Variants in PGM5 observed in about 807,000 individuals in gnomAD.
PGM5 encodes phosphoglucomutase-like protein 5.
In PGM5, 23 loss-of-function variants were observed where a neutral mutation model predicts 59.2. The observed-to-expected ratio is 0.39, with a 90% CI of 0.28 to 0.55. The LOEUF is 0.55. Among genes scored for constraint, PGM5 ranks in the 20% least tolerant of loss-of-function variants. PGM5 has a pLI of 0.66. For missense variants in PGM5, 574 were observed against 748.3 expected, an observed-to-expected ratio of 0.77 and a Z score of 2.72; for synonymous variants, 214 against 286.0, an observed-to-expected ratio of 0.75 and a Z score of 2.54.
intron 6 of PGM5, among the ~76,000 whole-genome samples, chr9:68,431,670 T>C (rs1823352061): frequency 6.6e-6 from 1 of 152,142 alleles, no homozygotes. Flanking sequence ...TTATAACAGC[T>C]AGAAGGGCAA....
intron 9 of PGM5, among the ~76,000 whole-genome samples, chr9:68,489,713 C>T (rs1339126512): frequency 6.6e-6 from 1 of 152,058 alleles, no homozygotes; most frequent in African/African-American, 2.4e-5. Context: ...GTGATCCGCC[C>T]ACCTCGGCCT....
chr9:68,357,971 T>A (rs1554675945), intron 1 of PGM5: 1 of 152,684 alleles, frequency 6.5e-6, no homozygotes, highest in Non-Finnish European at 1.4e-5. Flanking sequence ...ACACGATCCC[T>A]GACATATTTG....
At chr9:68,445,538 C>A (rs550356537) in intron 6 of PGM5, among the ~76,000 whole-genome samples, 2 of 152,156 alleles carry the variant, frequency 1.3e-5, no homozygotes, top group African/African-American at 4.8e-5. Context: ...GGGGCTCCAC[C>A]GCCTGCATAT....
intron 6 of PGM5, among the ~76,000 whole-genome samples, chr9:68,444,018 A>G (rs1554683848): frequency 6.7e-6 from 1 of 150,078 alleles, no homozygotes; most frequent in Non-Finnish European, 1.5e-5. Context: ...GATCTTGAGG[A>G]GATTGCATGT....
rs797028640 is a variant in PGM5 at position 68,489,469 on chromosome 9, C to CTT, written c.1479+5435_1479+5436dup. 7.3e-3 allele frequency among the ~76,000 whole-genome samples: 990 copies of CTT among 135,526 alleles called. 16 individuals carry two copies. Among genetic ancestry groups the CTT allele is most frequent in the African/African-American group, 0.024 (863 of 36,650 alleles). The allele number at this position is 135,526 out of a possible 152,430, so 88.9% of individuals were successfully genotyped here. ...TTGTTTTCTTTTTTCTTTTTCTTTT[C>CTT]TTTTTTTTTTTTTTTAGACAGAGTC... is the stretch of plus-strand genomic sequence containing the variant. On this transcript the variant is annotated intron_variant, in intron 9 of 10. Transcript: ENST00000396396.
chr9:68,371,935 A>C (rs1821744907), intron 1 of PGM5, among the ~76,000 whole-genome samples: 1 of 152,208 alleles, frequency 6.6e-6, no homozygotes, highest in African/African-American at 2.4e-5. Context: ...AGAAACTGGA[A>C]GAGGCAAGGG....
intron 6 of PGM5, among the ~76,000 whole-genome samples, chr9:68,420,404 G>A (rs1823108068): frequency 6.6e-6 from 1 of 152,164 alleles, no homozygotes; most frequent in Non-Finnish European, 1.5e-5. Flanking sequence ...TATGAGGACT[G>A]TAAAAATGGC....
intron 6 of PGM5, among the ~76,000 whole-genome samples, chr9:68,393,705 A>G (rs1398151367): frequency 6.6e-6 from 1 of 152,130 alleles, no homozygotes; most frequent in East Asian, 1.9e-4. Flanking sequence ...AGAATGGAAG[A>G]CAGTTTGGCA....
rs1554687361 is a variant in PGM5, at chr9:68,483,982, C to T, written c.1413C>T (p.Tyr471=). Residue 471 remains tyrosine, a synonymous_variant, in exon 9 of 11, where the codon TAC becomes TAT. Transcript: ENST00000396396. ...AGTTTGCTGTGGGGAGCCATGTCTA[C>T]AGCGTGGCGAAGACGGATAGTTTTG... ...GQQFAVGSHV[Y]SVAKTDSFEY... The T allele has an allele frequency of 1.2e-6, 2 of 1,614,126 alleles. No homozygotes were observed. The highest frequency in any genetic ancestry group is 1.3e-5 in the African/African-American group (1 of 75,052).
chr9:68,460,389 A>G (rs1823841430), intron 6 of PGM5, among the ~76,000 whole-genome samples: 1 of 152,132 alleles, frequency 6.6e-6, no homozygotes. Context: ...GTACTTTTGT[A>G]TCTACTATCC....
At chr9:68,504,989 A>C (rs1824632447) in intron 10 of PGM5, among the ~76,000 whole-genome samples, 1 of 152,222 alleles carries the variant, frequency 6.6e-6, no homozygotes, top group East Asian at 1.9e-4. Context: ...CTTGAATAAA[A>C]TAAATGCCAT....
intron 4 of PGM5, among the ~76,000 whole-genome samples, chr9:68,391,143 TTGCA>T (rs1430862339): frequency 6.6e-6 from 1 of 151,978 alleles, no homozygotes; most frequent in Non-Finnish European, 1.5e-5. Context: ...GTCCAAATGA[TTGCA>T]GAGACAAAGA....
At chr9:68,386,079 T>A (rs1822210176) in intron 3 of PGM5, among the ~76,000 whole-genome samples, 1 of 151,774 alleles carries the variant, frequency 6.6e-6, no homozygotes, top group Non-Finnish European at 1.5e-5. Context: ...ATTTGTTTGG[T>A]ACTGTGTGTT....
rs565187321 is a variant in PGM5, at chr9:68,419,119, A to G, written c.1043+26646A>G. 1.4e-3 allele frequency among the ~76,000 whole-genome samples: 216 copies of G among 152,230 alleles called. 1 individual carries two copies. Among genetic ancestry groups the G allele is most frequent in the Middle Eastern group, 3.2e-3 (1 of 316 alleles). On this transcript the variant is annotated intron_variant, in intron 6 of 10. Coordinates refer to ENST00000396396, the MANE Select transcript of PGM5 (RefSeq NM_021965.4). ...AAAGAAATCTGGTGAAATACCTTTG[A>G]TTAAATGTAACACACAATTGATCTC... is the stretch of plus-strand genomic sequence containing the variant.
chr9:68,406,061 G>C (rs1292647724), intron 6 of PGM5: 2 of 152,104 alleles, frequency 1.3e-5, no homozygotes, highest in Non-Finnish European at 2.9e-5. Context: ...AGAAAAGCAA[G>C]CATTTATGTC....
intron 6 of PGM5, among the ~76,000 whole-genome samples, chr9:68,403,949 G>A (rs1445424981): frequency 1.3e-5 from 2 of 152,144 alleles, no homozygotes; most frequent in Non-Finnish European, 2.9e-5. Context: ...AAGACTTCCA[G>A]GAAAATGTTG....
At chr9:68,468,430 A>G (rs924430900) in intron 7 of PGM5, among the ~76,000 whole-genome samples, 6 of 152,324 alleles carry the variant, frequency 3.9e-5, no homozygotes, top group African/African-American at 1.4e-4. Context: ...ATAAGCATTT[A>G]TTAAGTGTTT....
chr9:68,393,625 G>A (rs1554679733), intron 6 of PGM5, among the ~76,000 whole-genome samples: 2 of 152,044 alleles, frequency 1.3e-5, no homozygotes, highest in Non-Finnish European at 2.9e-5. Flanking sequence ...GCATGTTCCT[G>A]TAGTCCCACA....
Position 68,499,342 on chromosome 9 carries a change from G to A in PGM5, c.1595G>A (p.Gly532Asp). Residue 532 changes from glycine (G) to aspartate (D), a missense_variant, in exon 10 of 11, where the codon GGC (glycine) becomes GAC (aspartate). By Grantham distance (94) the Gly-to-Asp change is moderately conservative. Transcript: ENST00000396396. ...YAESYERDPSGHDQEPQAVLS... is the reference protein window; with the variant it reads ...YAESYERDPSDHDQEPQAVLS... ...GAGAGCTACGAGAGGGATCCCAGCG[G>A]CCATGACCAGGAGCCACAGGTACAG... is the stretch of plus-strand genomic sequence containing the variant. 6.2e-7 allele frequency: 1 copy of A among 1,614,088 alleles called. No individual in the cohort carries two copies. Among genetic ancestry groups the A allele is most frequent in the Non-Finnish European group, 8.5e-7 (1 of 1,180,004 alleles).
Sources: allele counts gnomAD v4.1 joint callset (sites outside exome capture counted in the v4.1 genomes callset), GRCh38; gene constraint gnomAD v4.1.1; transcripts MANE v1.5; gene names NCBI Gene and HGNC (gene_info 2026-07-23, HGNC 2026-07-21).